GK5: variants seen among roughly 807,000 people sequenced by gnomAD.
The protein encoded by GK5 is glycerol kinase 5.
In GK5, 39 loss-of-function variants were observed where a neutral mutation model predicts 77.3. The observed-to-expected ratio is 0.50, with a 90% confidence interval of 0.39 to 0.66. GK5 has a LOEUF of 0.66. Among genes scored for constraint, GK5 ranks in the 30% least tolerant of loss-of-function variants. The pLI is 0.00. For missense variants in GK5, 487 were observed against 633.8 expected, an observed-to-expected ratio of 0.77 and a Z score of 2.49; for synonymous variants, 211 against 208.0, an observed-to-expected ratio of 1.01 and a Z score of -0.13.
In GK5 at chr3:142,160,691, G is replaced by C. The variant is rs941625610; in HGVS notation, c.*4931C>G. On this transcript the variant is annotated 3_prime_UTR_variant, in exon 16 of 16. Transcript: ENST00000392993. ...ACAGACATGTGTCTCTACACAAATA[G>C]TTTTTCAAATATATAAACATATTAA... The C allele has an allele frequency of 2.6e-5, 4 of 152,120 alleles. No homozygotes were observed. Among genetic ancestry groups the C allele is most frequent in the Admixed American group, 2.0e-4 (3 of 15,268 alleles). The allele number at this position is 152,120 out of a possible 1,614,324, so 9.4% of individuals were successfully genotyped here. A position where few individuals can be genotyped will look rare whatever the true frequency, so the allele number is the denominator to read the frequency against.
At chr3:142,204,874 G>T in intron 3 of GK5, 86 bp from the exon 4 acceptor site, 1 of 712,652 alleles carries the variant, frequency 1.4e-6, no homozygotes. Context: ...CAAAATTAGA[G>T]GCCATACTGT....
intron 1 of GK5, among the ~76,000 whole-genome samples, chr3:142,223,992 G>A (rs776982298): frequency 5.9e-5 from 9 of 152,166 alleles, no homozygotes; most frequent in Non-Finnish European, 7.3e-5. Flanking sequence ...GAAGAAGAAC[G>A]GGACACTGAG....
chr3:142,207,965 G>A (rs1014354521), intron 3 of GK5, among the ~76,000 whole-genome samples: 1 of 152,108 alleles, frequency 6.6e-6, no homozygotes, highest in East Asian at 1.9e-4. Context: ...ATTATCATGA[G>A]TACAAATCAG....
intron 6 of GK5, among the ~76,000 whole-genome samples, 180 bp downstream of exon 6, chr3:142,187,524 G>C (rs947182395): frequency 2.0e-5 from 3 of 151,542 alleles, no homozygotes; most frequent in Non-Finnish European, 4.4e-5. Flanking sequence ...AGGATCGCTT[G>C]AGCCCAGGAA....
chr3:142,170,167 T>C (rs13067957), intron 15 of GK5, 158 bp downstream of exon 15: 1 of 789,316 alleles, frequency 1.3e-6, no homozygotes, highest in Admixed American at 1.7e-5. Context: ...ACAGAGGAGG[T>C]CACAGGATAT....
rs2063446089 is a variant in GK5, at chr3:142,163,846, G to T, written c.*1776C>A. 1 of 150,496 alleles carries T rather than the reference G, an allele frequency of 6.6e-6. No homozygotes were observed. Among genetic ancestry groups the T allele is most frequent in the Non-Finnish European group, 1.5e-5 (1 of 67,616 alleles). The allele number at this position is 150,496 out of a possible 1,614,324, so 9.3% of individuals were successfully genotyped here. On this transcript the variant is annotated 3_prime_UTR_variant, in exon 16 of 16. Transcript: ENST00000392993. ...CCCTGTCTCTACAAAAAAAGAAAAA[G>T]AAAAAAAAATTACACCCACTGAGAA... is the stretch of plus-strand genomic sequence containing the variant.
intron 2 of GK5, among the ~76,000 whole-genome samples, chr3:142,215,358 C>A (rs1328907991): frequency 6.6e-6 from 1 of 152,094 alleles, no homozygotes; most frequent in African/African-American, 2.4e-5. Context: ...GAGGAAATGG[C>A]GAGCATTTAT....
intron 5 of GK5, among the ~76,000 whole-genome samples, chr3:142,198,251 C>T (rs2063964614): frequency 6.6e-6 from 1 of 152,302 alleles, no homozygotes; most frequent in African/African-American, 2.4e-5. Context: ...TTACACACAA[C>T]ATTGCTATAT....
intron 11 of GK5, among the ~76,000 whole-genome samples, chr3:142,180,116 A>G (rs1363266157): frequency 6.6e-6 from 1 of 152,134 alleles, no homozygotes; most frequent in African/African-American, 2.4e-5. Flanking sequence ...GCACAGGCAC[A>G]TAAAACTGCA....
At chr3:142,185,137 GCA>G (rs1177635641) in intron 9 of GK5, 1 of 984,588 alleles carries the variant, frequency 1.0e-6, no homozygotes, top group African/African-American at 1.7e-5. Flanking sequence ...AACAGGCTTG[GCA>G]CAGTGACTCA....
rs2063447770 is a variant in GK5 at position 142,164,038 on chromosome 3, CTATT to C, written c.*1580_*1583del. 1 of 151,892 alleles carries C rather than the reference CTATT, an allele frequency of 6.6e-6. No individual in the cohort carries two copies. The highest frequency in any genetic ancestry group is 2.1e-4 in the South Asian group (1 of 4,816). 9.4% of individuals were successfully genotyped at this position (151,892 alleles called of 1,614,324 possible). A position where few individuals can be genotyped will look rare whatever the true frequency, so the allele number is the denominator to read the frequency against. ...TGACTTTTTACAGTAAATAAAATAC[CTATT>C]TATTAATATTTCCAAATATTAATTA... is the stretch of plus-strand genomic sequence containing the variant. On this transcript the variant is annotated 3_prime_UTR_variant, in exon 16 of 16. Transcript: ENST00000392993.
Position 142,186,282 on chromosome 3 carries a change from G to GT in GK5, c.682-16dup. ...CTCCAACACATCTGAGCATAAAAAC[G>GT]TATCATCAGAATATACATATTTACA... is the stretch of plus-strand genomic sequence containing the variant. On this transcript the variant is annotated splice_polypyrimidine_tract_variant and intron_variant, in intron 7 of 15. Coordinates refer to ENST00000392993, the MANE Select transcript of GK5 (RefSeq NM_001039547.3). 1 of 1,543,318 alleles carries GT rather than the reference G, an allele frequency of 6.5e-7. No individual in the cohort carries two copies. Among genetic ancestry groups the GT allele is most frequent in the Non-Finnish European group, 9.0e-7 (1 of 1,116,648 alleles).
At chr3:142,215,775 A>G in intron 1 of GK5, 83 bp from the exon 2 acceptor site, 1 of 625,928 alleles carries the variant, frequency 1.6e-6, no homozygotes, top group Non-Finnish European at 2.8e-6. Context: ...ACTACTGGTT[A>G]AAATAATTAA....
chr3:142,213,712 G>T, intron 2 of GK5, 111 bp from the exon 3 acceptor site: 1 of 646,096 alleles, frequency 1.5e-6, no homozygotes, highest in South Asian at 2.2e-5. Context: ...AAATACCTGG[G>T]TTTAGCATTC....
chr3:142,225,246 G>A, intron 1 of GK5, 63 bp downstream of exon 1: 1 of 1,446,104 alleles, frequency 6.9e-7, no homozygotes, highest in South Asian at 1.4e-5. Context: ...GCCTCCCGAG[G>A]CCGGACCCCG....
At chr3:142,173,046 CT>C in intron 12 of GK5, 1 of 280,508 alleles carries the variant, frequency 3.6e-6, no homozygotes. Flanking sequence ...TTACAAAAAA[CT>C]TTAAATATTA....
chr3:142,208,538 T>C (rs1293088687), intron 3 of GK5, among the ~76,000 whole-genome samples: 1 of 152,240 alleles, frequency 6.6e-6, no homozygotes, highest in East Asian at 1.9e-4. Context: ...CACCATCTGT[T>C]GAAAAAACTA....
intron 2 of GK5, 64 bp from the exon 3 acceptor site, chr3:142,213,665 C>T (rs911584543): frequency 1.9e-6 from 2 of 1,040,512 alleles, no homozygotes; most frequent in African/African-American, 3.2e-5. Flanking sequence ...TATAATATTA[C>T]AATATAGAAA....
intron 8 of GK5, 82 bp downstream of exon 8, chr3:142,186,112 T>C (rs1304324446): frequency 8.6e-7 from 1 of 1,164,058 alleles, no homozygotes; most frequent in African/African-American, 1.5e-5. Context: ...CCTTCAAACA[T>C]GTAATAAAAT....
Sources: gnomAD v4.1 joint callset for allele counts (sites outside exome capture counted in the v4.1 genomes callset) on GRCh38, gnomAD v4.1.1 for gene constraint, MANE v1.5 for transcripts, NCBI Gene and HGNC (gene_info 2026-07-23, HGNC 2026-07-21) for gene names.